ARHGAP6: variants seen among roughly 807,000 people sequenced by gnomAD.
ARHGAP6 encodes the protein rho GTPase-activating protein 6.
ARHGAP6 carries 16 observed loss-of-function variants against 55.7 expected under a neutral mutation model. The ratio of observed to expected loss-of-function variants is 0.29; its 90% CI spans 0.19 to 0.44. The LOEUF (loss-of-function observed/expected upper bound fraction) is 0.44. Ranked by LOEUF, ARHGAP6 falls within the 20% of genes least tolerant of loss-of-function variation. The pLI, the probability that ARHGAP6 is intolerant of heterozygous loss-of-function variation, is 1.00. For synonymous variants in ARHGAP6, 382 were observed against 360.9 expected (o/e 1.06, Z -0.66); for missense variants, 698 against 808.9 (o/e 0.86, Z 1.66).
chrX:11,595,997 T>A (rs888415031), intron 1 of ARHGAP6, among the ~76,000 whole-genome samples: 1 of 112,090 alleles, frequency 8.9e-6, no homozygotes, highest in African/African-American at 3.2e-5. Flanking sequence ...GTTCAACCAT[T>A]GTGGAAGACG....
intron 9 of ARHGAP6, among the ~76,000 whole-genome samples, chrX:11,162,707 T>TAATCA (rs200430310): frequency 2.7e-5 from 3 of 111,347 alleles, no homozygotes; most frequent in African/African-American, 9.8e-5. Flanking sequence ...TCTCTCTACT[T>TAATCA]ATCAGTGGTA....
At chrX:11,319,338 T>C (rs775146767) in intron 1 of ARHGAP6, among the ~76,000 whole-genome samples, 5 of 112,139 alleles carry the variant, frequency 4.5e-5, no homozygotes, top group Non-Finnish European at 9.4e-5. Flanking sequence ...AACTGGAGTA[T>C]GCATCAGAAT....
rs1352081920 is a variant in ARHGAP6, at chrX:11,654,548, A to G, written c.588+9693T>C. 4.5e-5 allele frequency among the ~76,000 whole-genome samples: 5 copies of G among 111,872 alleles called. No individual in the cohort carries two copies. The South Asian group carries it at 1.9e-3, about 42-fold the overall frequency. On this transcript the variant is annotated intron_variant, in intron 1 of 12. Coordinates refer to ENST00000337414, the MANE Select transcript of ARHGAP6 (RefSeq NM_013427.3). ...TCCTGAAAATCTTAGGCTTTTTAATAGTTCAGGTGAGATAAGGCCAGGCAA... is the reference window on the plus strand; with the variant it reads ...TCCTGAAAATCTTAGGCTTTTTAATGGTTCAGGTGAGATAAGGCCAGGCAA...
intron 1 of ARHGAP6, among the ~76,000 whole-genome samples, chrX:11,475,560 TACACACACAC>T (rs199969639): frequency 0.01 from 976 of 95,888 alleles, 12 homozygotes; most frequent in African/African-American, 0.033. Context: ...TTAAAGAAAC[TACACACACAC>T]ACACACACAC....
At chrX:11,246,818 C>T (rs2047360216) in intron 2 of ARHGAP6, among the ~76,000 whole-genome samples, 1 of 111,913 alleles carries the variant, frequency 8.9e-6, no homozygotes, top group Non-Finnish European at 1.9e-5. Flanking sequence ...GGATTCTGCA[C>T]CAGGTTTCAA....
chrX:11,259,129 CT>C (rs1039229789), intron 1 of ARHGAP6, among the ~76,000 whole-genome samples: 2 of 111,618 alleles, frequency 1.8e-5, no homozygotes, highest in Non-Finnish European at 3.8e-5. Context: ...CCCACCTCCC[CT>C]GATCCCCCAC....
At chrX:11,635,716 T>C (rs1003930208) in intron 1 of ARHGAP6, among the ~76,000 whole-genome samples, 1 of 111,409 alleles carries the variant, frequency 9.0e-6, no homozygotes, top group Non-Finnish European at 1.9e-5. Context: ...ATAACCAGCA[T>C]TTTTGGCACC....
At chrX:11,591,903 G>A (rs1390011829) in intron 1 of ARHGAP6, among the ~76,000 whole-genome samples, 1 of 112,053 alleles carries the variant, frequency 8.9e-6, no homozygotes, top group Non-Finnish European at 1.9e-5. Flanking sequence ...TAGGGAAATA[G>A]TATGATTCAT....
chrX:11,552,578 A>ATAT (rs1317779225), intron 1 of ARHGAP6, among the ~76,000 whole-genome samples: 1 of 60,857 alleles, frequency 1.6e-5, no homozygotes, highest in Non-Finnish European at 3.0e-5. Flanking sequence ...ATATATATAT[A>ATAT]TATATATATA....
intron 8 of ARHGAP6, among the ~76,000 whole-genome samples, chrX:11,170,156 G>A (rs750008841): frequency 1.8e-5 from 2 of 110,982 alleles, no homozygotes; most frequent in African/African-American, 3.3e-5. Context: ...TATTTTAAAG[G>A]TCTCTCATTC....
intron 1 of ARHGAP6, among the ~76,000 whole-genome samples, chrX:11,596,952 T>C (rs1379928206): frequency 8.9e-6 from 1 of 111,936 alleles, no homozygotes; most frequent in African/African-American, 3.2e-5. Context: ...GCTAGGGTGA[T>C]CAACTCGTAC....
intron 1 of ARHGAP6, among the ~76,000 whole-genome samples, chrX:11,402,428 A>G (rs186431258): frequency 2.7e-4 from 30 of 110,998 alleles, no homozygotes; most frequent in Admixed American, 2.5e-3. Flanking sequence ...AATTAACAAA[A>G]TAGAAGATTG....
At chrX:11,550,893 T>C (rs2051259686) in intron 1 of ARHGAP6, among the ~76,000 whole-genome samples, 1 of 111,833 alleles carries the variant, frequency 8.9e-6, no homozygotes, top group African/African-American at 3.3e-5. Context: ...AGTGGACTCA[T>C]TGGTGTGGTG....
At chrX:11,593,959 T>A (rs1229411421) in intron 1 of ARHGAP6, among the ~76,000 whole-genome samples, 1 of 112,323 alleles carries the variant, frequency 8.9e-6, no homozygotes, top group Non-Finnish European at 1.9e-5. Flanking sequence ...AAATCAAACA[T>A]TGGGCCTCTC....
At chrX:11,560,426 T>A (rs886957164) in intron 1 of ARHGAP6, among the ~76,000 whole-genome samples, 11 of 112,680 alleles carry the variant, frequency 9.8e-5, no homozygotes, top group African/African-American at 3.5e-4. Context: ...GGAGAAGTAC[T>A]TTCATGTGTT....
intron 1 of ARHGAP6, among the ~76,000 whole-genome samples, chrX:11,590,750 T>G (rs1263855777): frequency 1.2e-5 from 1 of 84,855 alleles, no homozygotes; most frequent in African/African-American, 4.6e-5. Context: ...CACTCCAGCC[T>G]GGGTGACAGA....
intron 1 of ARHGAP6, among the ~76,000 whole-genome samples, chrX:11,373,735 T>A (rs919774064): frequency 9.0e-6 from 1 of 111,623 alleles, no homozygotes; most frequent in Non-Finnish European, 1.9e-5. Flanking sequence ...TGGGCATAGG[T>A]GGAGTTAGTG....
Position 11,137,617 on chromosome X carries a change from A to G in ARHGAP6, c.*1246T>C, listed in dbSNP as rs2045565935. 1 of 109,413 alleles carries G rather than the reference A, an allele frequency of 9.1e-6. No individual in the cohort carries two copies. The highest frequency in any genetic ancestry group is 3.3e-5 in the African/African-American group (1 of 29,994). 9.0% of individuals were successfully genotyped at this position (109,413 alleles called of 1,213,427 possible). On this transcript the variant is annotated 3_prime_UTR_variant, in exon 13 of 13. Transcript: ENST00000337414. Reference sequence around the variant, plus strand: ...CACCACTGGGAATTTCATCACCAACATGAAAATTAAGAGTAGCATGTTTTA... The same window carrying G: ...CACCACTGGGAATTTCATCACCAACGTGAAAATTAAGAGTAGCATGTTTTA...
At chrX:11,213,733 C>A (rs1042123568) in intron 2 of ARHGAP6, among the ~76,000 whole-genome samples, 1 of 111,545 alleles carries the variant, frequency 9.0e-6, no homozygotes, top group African/African-American at 3.3e-5. Flanking sequence ...AAGATAGACA[C>A]TGGAAACTCA....
Sources: gnomAD v4.1 joint callset for allele counts (sites outside exome capture counted in the v4.1 genomes callset) on GRCh38, gnomAD v4.1.1 for gene constraint, MANE v1.5 for transcripts, NCBI Gene and HGNC (gene_info 2026-07-23, HGNC 2026-07-21) for gene names.